The following MYLK3 variants were observed in gnomAD, a reference collection of about 807,000 sequenced individuals.
The protein encoded by MYLK3 is MLC kinase.
In MYLK3, 55 loss-of-function variants were observed where a neutral mutation model predicts 76.3. That is an observed-to-expected ratio of 0.72 (90% CI 0.58 to 0.90). The LOEUF is 0.90. Ranked by LOEUF, MYLK3 falls within the 40% of genes least tolerant of loss-of-function variation. The pLI, the probability that MYLK3 is intolerant of heterozygous loss-of-function variation, is 0.00. For synonymous variants in MYLK3, 416 were observed against 425.4 expected (o/e 0.98, Z 0.27); for missense variants, 973 against 1,053.6 (o/e 0.92, Z 1.06).
chr16:46,741,008 C>G (rs914467362), intron 1 of MYLK3, among the ~76,000 whole-genome samples: 2 of 152,174 alleles, frequency 1.3e-5, no homozygotes, highest in Non-Finnish European at 2.9e-5. Flanking sequence ...GTTGGGGGAT[C>G]CCATGGTCAC....
At position 46,702,956 on chromosome 16, in the gene MYLK3, TAA is replaced by T. The variant is rs35322648; in HGVS notation, c.*4746_*4747del. 4.3e-3 allele frequency among the ~76,000 whole-genome samples: 536 copies of T among 126,000 alleles called. No homozygotes were observed. Among genetic ancestry groups the T allele is most frequent in the Middle Eastern group, 0.012 (3 of 246 alleles). The allele number at this position is 126,000 out of a possible 152,430, so 82.7% of individuals were successfully genotyped here. On this transcript the variant is annotated 3_prime_UTR_variant, in exon 13 of 13. Coordinates refer to ENST00000394809, the MANE Select transcript of MYLK3 (RefSeq NM_182493.3). ...AAAAAAAAGGAATACATGCTCATTGTAAAAAAAAAAAAAAAAAAGATTCAAAA... is the reference window on the plus strand; with the variant it reads ...AAAAAAAAGGAATACATGCTCATTGTAAAAAAAAAAAAAAAAGATTCAAAA...
In MYLK3 at chr16:46,702,925, GAAAAAA is replaced by G. The variant is rs1193027604; in HGVS notation, c.*4773_*4778del. On this transcript the variant is annotated 3_prime_UTR_variant, in exon 13 of 13. Transcript: ENST00000394809. The stretch of plus-strand genomic sequence containing the variant: ...ACAGAGTGAGACTCCATCTTGGAAA[GAAAAAA>G]AAAAAAAGGAATACATGCTCATTGT... Among the ~76,000 whole-genome samples the G allele has an allele frequency of 1.4e-5, 1 of 73,604 alleles. No homozygotes were observed. Among genetic ancestry groups the G allele is most frequent in the Non-Finnish European group, 2.8e-5 (1 of 35,518 alleles). The allele number at this position is 73,604 out of a possible 152,430, so 48.3% of individuals were successfully genotyped here.
intron 1 of MYLK3, among the ~76,000 whole-genome samples, chr16:46,759,290 G>C (rs1967245424): frequency 6.6e-6 from 1 of 152,210 alleles, no homozygotes; most frequent in Non-Finnish European, 1.5e-5. Flanking sequence ...GAAAATGCTA[G>C]AGAATAACAA....
chr16:46,735,612 T>TA lies in MYLK3; in HGVS notation c.1001+2098dup, dbSNP rs760261740. Reference sequence around the variant, plus strand: ...TGGACCTCTCTGACACACCTGTCCCTAGGTGCGTGTGACTCACTGGGTGGG... The same window carrying TA: ...TGGACCTCTCTGACACACCTGTCCCTAAGGTGCGTGTGACTCACTGGGTGGG... On this transcript the variant is annotated intron_variant, in intron 3 of 12. Transcript: ENST00000394809. Among the ~76,000 whole-genome samples, 44 of 152,334 alleles carry TA rather than the reference T, an allele frequency of 2.9e-4. No homozygotes were observed. In the Middle Eastern group the frequency reaches 0.01, roughly 35 times the overall value.
chr16:46,743,455 C>T (rs1183328601), intron 1 of MYLK3, among the ~76,000 whole-genome samples: 1 of 152,200 alleles, frequency 6.6e-6, no homozygotes, highest in African/African-American at 2.4e-5. Flanking sequence ...GCCCTTCCTG[C>T]AAGACCTGCC....
chr16:46,735,823 C>T (rs1297456161), intron 3 of MYLK3, among the ~76,000 whole-genome samples: 1 of 152,186 alleles, frequency 6.6e-6, no homozygotes, highest in Non-Finnish European at 1.5e-5. Context: ...TCATGACTTC[C>T]CTTTGGGTCT....
chr16:46,750,706 T>C (rs148328071), upstream of MYLK3, among the ~76,000 whole-genome samples: 1 of 149,882 alleles, frequency 6.7e-6, no homozygotes, highest in East Asian at 2.0e-4. Flanking sequence ...AATAAATATA[T>C]AGGCCGGTTG....
Position 46,729,039 on chromosome 16 carries a change from G to GT in MYLK3, c.1756dup (p.Thr586AsnfsTer11). 1.2e-6 allele frequency: 2 copies of GT among 1,613,928 alleles called. No homozygotes were observed. The highest frequency in any genetic ancestry group is 1.7e-6 in the Non-Finnish European group (2 of 1,179,760). On this transcript the variant is annotated frameshift_variant, in exon 7 of 13. Transcript: ENST00000394809. LOFTEE classifies it high-confidence loss of function. ...TGATACTCACTACTCCATGACAAGG[G>GT]TGCAGCTGTGCTTGCTCTCGAAGGC...
In MYLK3 at chr16:46,720,762, T is replaced by C. The variant is rs1055549032; in HGVS notation, c.1985+361A>G. Among the ~76,000 whole-genome samples the C allele has an allele frequency of 5.3e-5, 8 of 152,328 alleles. No homozygotes were observed. In the East Asian group the frequency reaches 5.8e-4, roughly 11 times the overall value. ...CCTGGAGGGCAGGGATGGTGACAGA[T>C]GCATCACATAGCCCAGCACCTCCTG... On this transcript the variant is annotated intron_variant, in intron 9 of 12. Coordinates refer to ENST00000394809, the MANE Select transcript of MYLK3 (RefSeq NM_182493.3).
rs138836046 is a variant in MYLK3, at chr16:46,709,796, A to G, written c.2268-125T>C. The G allele has an allele frequency of 6.2e-4, 716 of 1,152,388 alleles. 10 individuals are homozygous for G. The East Asian group carries it at 0.017, about 27-fold the overall frequency. The allele number at this position is 1,152,388 out of a possible 1,614,324, so 71.4% of individuals were successfully genotyped here. A position where few individuals can be genotyped will look rare whatever the true frequency, so the allele number is the denominator to read the frequency against. ...TTAATCATTTAGGCAGATTCATGCC[A>G]TGTACCAAAAAGGGAACTCCTTGTG... On this transcript the variant is annotated intron_variant, in intron 11 of 12. Transcript: ENST00000394809.
chr16:46,740,711 C>G (rs1411449262), intron 1 of MYLK3, among the ~76,000 whole-genome samples: 5 of 151,588 alleles, frequency 3.3e-5, no homozygotes, highest in Non-Finnish European at 7.4e-5. Flanking sequence ...GCCAACATGC[C>G]CGGCTAATTT....
intron 7 of MYLK3, 62 bp downstream of exon 7, chr16:46,728,962 T>TC: frequency 1.6e-6 from 2 of 1,243,542 alleles, no homozygotes; most frequent in Non-Finnish European, 2.4e-6. Context: ...GAATGAAGGC[T>TC]CTAAGCCCCA....
rs544324403 is a variant in MYLK3, at chr16:46,716,065, T to A, written c.1986-3289A>T. 3.0e-4 allele frequency among the ~76,000 whole-genome samples: 46 copies of A among 152,292 alleles called. 1 individual carries two copies. The South Asian group carries it at 8.1e-3, about 27-fold the overall frequency. ...GTCCACCTCACAGCCAGAACCTGTG[T>A]CTCTGCCAGCCCGGCCCCACGGAGT... On this transcript the variant is annotated intron_variant, in intron 9 of 12. Transcript: ENST00000394809.
intron 1 of MYLK3, among the ~76,000 whole-genome samples, chr16:46,761,180 C>G (rs1967271884): frequency 6.6e-6 from 1 of 152,132 alleles, no homozygotes; most frequent in African/African-American, 2.4e-5. Context: ...ACAGAGGGAG[C>G]AAAGCTCAGG....
chr16:46,732,153 C>T, intron 4 of MYLK3, 55 bp downstream of exon 4: 11 of 1,436,466 alleles, frequency 7.7e-6, no homozygotes, highest in South Asian at 1.4e-5. Flanking sequence ...GGAGTAGGGG[C>T]TCCAAACTCC....
At chr16:46,761,333 G>A (rs1025928903) in intron 1 of MYLK3, among the ~76,000 whole-genome samples, 21 of 152,174 alleles carry the variant, frequency 1.4e-4, no homozygotes, top group Admixed American at 3.9e-4. Flanking sequence ...GCAAGACAGA[G>A]GGACAGTGAT....
At chr16:46,750,335 G>A (rs1402171615), upstream of MYLK3, among the ~76,000 whole-genome samples, 1 of 152,206 alleles carries the variant, frequency 6.6e-6, no homozygotes, top group Non-Finnish European at 1.5e-5. Context: ...CTGGAGGAGA[G>A]ACTTTATTAT....
intron 11 of MYLK3, among the ~76,000 whole-genome samples, chr16:46,709,883 TA>T (rs1966665656): frequency 6.6e-6 from 1 of 152,102 alleles, no homozygotes; most frequent in African/African-American, 2.4e-5. Context: ...CTGACCTCTA[TA>T]GGGGGAACAT....
At chr16:46,728,108 T>C (rs1185543049) in intron 7 of MYLK3, among the ~76,000 whole-genome samples, 1 of 152,228 alleles carries the variant, frequency 6.6e-6, no homozygotes, top group Non-Finnish European at 1.5e-5. Flanking sequence ...TTTTCCACTT[T>C]CAATAAGGAC....
Sources: allele counts gnomAD v4.1 joint callset (sites outside exome capture counted in the v4.1 genomes callset), GRCh38; gene constraint gnomAD v4.1.1; transcripts MANE v1.5; gene names NCBI Gene and HGNC (gene_info 2026-07-23, HGNC 2026-07-21).